MDGA1: variants seen among roughly 807,000 people sequenced by gnomAD.
MDGA1 encodes MAM domain containing glycosylphosphatidylinositol anchor 1.
In MDGA1, 54 loss-of-function variants were observed where a neutral mutation model predicts 101.5. The ratio of observed to expected loss-of-function variants is 0.53; its 90% CI spans 0.43 to 0.67. The LOEUF (loss-of-function observed/expected upper bound fraction) is 0.67, where lower values mean the gene tolerates loss of function less well. Among genes scored for constraint, MDGA1 ranks in the 30% least tolerant of loss-of-function variants. The pLI, the probability that MDGA1 is intolerant of heterozygous loss-of-function variation, is 0.00. For missense variants in MDGA1, 1,083 were observed against 1,323.8 expected (o/e 0.82, Z 2.82); for synonymous variants, 533 against 558.3 (o/e 0.95, Z 0.64).
At chr6:37,676,337 G>A (rs935215120) in intron 1 of MDGA1, among the ~76,000 whole-genome samples, 4 of 152,350 alleles carry the variant, frequency 2.6e-5, no homozygotes, top group Middle Eastern at 3.4e-3. Flanking sequence ...AAAGCAAGGA[G>A]CCCCCAAAGC....
At chr6:37,678,264 T>G (rs1324707829) in intron 1 of MDGA1, among the ~76,000 whole-genome samples, 1 of 151,992 alleles carries the variant, frequency 6.6e-6, no homozygotes, top group African/African-American at 2.4e-5. Flanking sequence ...ACTTTTCTCC[T>G]CCTCCCACAC....
chr6:37,675,164 T>G (rs16890079), intron 1 of MDGA1, among the ~76,000 whole-genome samples: 5,058 of 152,272 alleles, frequency 0.033, 268 homozygotes, highest in African/African-American at 0.11. Context: ...TCAGAGGCTT[T>G]AAATGCAAAT....
rs766338798 is a variant in MDGA1 at position 37,643,778 on chromosome 6, T to C, written c.2536+31A>G. 29 of 1,612,820 alleles carry C rather than the reference T, an allele frequency of 1.8e-5. 1 individual carries two copies. The South Asian group carries it at 3.2e-4, about 18-fold the overall frequency. ...TCCCCTCCCATCCTCCAGCACACAC[T>C]TGGTGGAGACTACCTGGCCCCCCAA... On this transcript the variant is annotated intron_variant, in intron 14 of 16. Coordinates refer to ENST00000434837, the MANE Select transcript of MDGA1 (RefSeq NM_153487.4).
rs972066214 is a variant in MDGA1 at position 37,638,913 on chromosome 6, C to A, written c.2537-246G>T. On this transcript the variant is annotated intron_variant, in intron 14 of 16. Transcript: ENST00000434837. This position sits in a 1 kb window ranked among gnomAD's most constrained non-coding sequence, Gnocchi z 4.8. ...TTGCAAATTTTCTTTCATTTCTTTC[C>A]TGCCCTGCTAATCAGCTAATCTCCC... 2.6e-5 allele frequency: 12 copies of A among 464,536 alleles called. No homozygotes were observed. The Admixed American group carries it at 2.7e-4, about 11-fold the overall frequency. The allele number at this position is 464,536 out of a possible 1,614,324, so 28.8% of individuals were successfully genotyped here.
chr6:37,667,536 A>G (rs138295000), intron 1 of MDGA1, among the ~76,000 whole-genome samples: 1 of 152,376 alleles, frequency 6.6e-6, no homozygotes, highest in Non-Finnish European at 1.5e-5. Context: ...ATAAAAATGC[A>G]TGAACATCTT....
In MDGA1 at chr6:37,635,902, C is replaced by G; in HGVS notation, c.*1466G>C. ...GAAGGTGGACACACACGCTGACGTA[C>G]ACGGACATTCATAGAAACGAATGGG... On this transcript the variant is annotated 3_prime_UTR_variant, in exon 17 of 17. Transcript: ENST00000434837. The G allele has an allele frequency of 2.5e-6, 1 of 397,552 alleles. No individual in the cohort carries two copies. Among genetic ancestry groups the G allele is most frequent in the Non-Finnish European group, 4.4e-6 (1 of 225,670 alleles). The allele number at this position is 397,552 out of a possible 1,614,324, so 24.6% of individuals were successfully genotyped here.
intron 14 of MDGA1, among the ~76,000 whole-genome samples, chr6:37,642,930 G>A (rs1246201675): frequency 2.0e-5 from 3 of 152,220 alleles, no homozygotes; most frequent in Non-Finnish European, 2.9e-5. Flanking sequence ...GTTATGTGAC[G>A]CTCCTACCAG....
chr6:37,664,964 G>A (rs2114055386), intron 1 of MDGA1, among the ~76,000 whole-genome samples: 1 of 76,876 alleles, frequency 1.3e-5, no homozygotes, highest in South Asian at 4.8e-4. Flanking sequence ...CTCTGAGCCT[G>A]TGTCCAGCTT....
intron 2 of MDGA1, among the ~76,000 whole-genome samples, chr6:37,659,276 C>T (rs1761568888): frequency 6.6e-6 from 1 of 152,148 alleles, no homozygotes; most frequent in Non-Finnish European, 1.5e-5. Flanking sequence ...TTTGAAGCCC[C>T]TAAGTTTTGG....
intron 1 of MDGA1, among the ~76,000 whole-genome samples, chr6:37,666,559 T>G (rs6458008): frequency 6.6e-6 from 1 of 151,930 alleles, no homozygotes; most frequent in East Asian, 1.9e-4. Context: ...CATCACTCCA[T>G]TAGTGCAATA....
chr6:37,655,061 A>C lies in MDGA1; in HGVS notation c.580-129T>G. 8.6e-7 allele frequency: 1 copy of C among 1,167,194 alleles called. No homozygotes were observed. The highest frequency in any genetic ancestry group is 1.2e-6 in the Non-Finnish European group (1 of 840,320). The allele number at this position is 1,167,194 out of a possible 1,614,324, so 72.3% of individuals were successfully genotyped here. A position where few individuals can be genotyped will look rare whatever the true frequency, so the allele number is the denominator to read the frequency against. ...TTCCTCTCTTTCCATCCCCAACCCCACCCTCACCATTTAGCCCCAGGGGTC... is the reference window on the plus strand; with the variant it reads ...TTCCTCTCTTTCCATCCCCAACCCCCCCCTCACCATTTAGCCCCAGGGGTC... On this transcript the variant is annotated intron_variant, in intron 4 of 16. Coordinates refer to ENST00000434837, the MANE Select transcript of MDGA1 (RefSeq NM_153487.4). The surrounding 1 kb of genome is among the most constrained non-coding windows in gnomAD (Gnocchi z 5.1).
At chr6:37,685,924 G>A (rs935581657) in intron 1 of MDGA1, among the ~76,000 whole-genome samples, 2 of 152,200 alleles carry the variant, frequency 1.3e-5, no homozygotes, top group Non-Finnish European at 2.9e-5. Context: ...TGGGGTGAGT[G>A]AGGAGGAGAG....
chr6:37,651,718 C>G (rs1024978322), intron 7 of MDGA1, among the ~76,000 whole-genome samples: 1 of 152,188 alleles, frequency 6.6e-6, no homozygotes, highest in African/African-American at 2.4e-5. Context: ...TCTTTCCAGG[C>G]TCTCATGTAT....
rs551805615 is a variant in MDGA1 at position 37,676,954 on chromosome 6, G to C, written c.68-12848C>G. The stretch of plus-strand genomic sequence containing the variant: ...ACCAAACCTGCAAGAACTAGTTAGA[G>C]GCTCCACTCCAGCACTTAACTTGCC... On this transcript the variant is annotated intron_variant, in intron 1 of 16. Coordinates refer to ENST00000434837, the MANE Select transcript of MDGA1 (RefSeq NM_153487.4). Among the ~76,000 whole-genome samples the C allele has an allele frequency of 1.9e-4, 29 of 150,702 alleles. No individual in the cohort carries two copies. The South Asian group carries it at 5.5e-3, about 28-fold the overall frequency.
chr6:37,638,253 T>C lies in MDGA1; in HGVS notation c.2728A>G (p.Thr910Ala), dbSNP rs1167156250. 1 of 1,613,662 alleles carries C rather than the reference T, an allele frequency of 6.2e-7. No individual in the cohort carries two copies. Among genetic ancestry groups the C allele is most frequent in the Non-Finnish European group, 8.5e-7 (1 of 1,179,828 alleles). The change falls in exon 16 of 17, where the codon ACA becomes GCA. Residue 910 changes from threonine (T) to alanine (A), a missense_variant. Around this residue, in one of 3 missense-constraint regions of MDGA1, gnomAD observed 657 missense variants for 771.4 expected, o/e 0.85. Transcript: ENST00000434837. The surrounding 1 kb of genome is among the most constrained non-coding windows in gnomAD (Gnocchi z 4.8). ...YLGDIAIDDV[T>A]LKKGECPRKQ... ...CGGGGACACTCCCCCTTCTTCAGTG[T>C]GACGTCATCTATGGCAATATCCCCC... is the stretch of plus-strand genomic sequence containing the variant.
intron 14 of MDGA1, among the ~76,000 whole-genome samples, chr6:37,641,578 AAACT>A (rs1251281852): frequency 6.6e-6 from 1 of 152,206 alleles, no homozygotes; most frequent in Non-Finnish European, 1.5e-5. Flanking sequence ...ATCTTTCTTT[AAACT>A]AACTCACTCT....
chr6:37,686,360 T>TG (rs968485752), intron 1 of MDGA1, among the ~76,000 whole-genome samples: 3 of 151,802 alleles, frequency 2.0e-5, no homozygotes, highest in African/African-American at 7.3e-5. Context: ...TAGGGACTTT[T>TG]TTTTTTAATG....
chr6:37,696,875 C>T lies in MDGA1; in HGVS notation c.-64G>A, dbSNP rs964115090. 3 of 1,424,860 alleles carry T rather than the reference C, an allele frequency of 2.1e-6. No homozygotes were observed. The highest frequency in any genetic ancestry group is 5.0e-5 in the East Asian group (2 of 40,278). 88.3% of individuals were successfully genotyped at this position (1,424,860 alleles called of 1,614,324 possible). ...CCCGAGAGGCGGCGGGGGGCGCATT[C>T]GCCGGGGCCCCGCGACGCCCCTATG... On this transcript the variant is annotated 5_prime_UTR_variant, in exon 1 of 17. Transcript: ENST00000434837. This position sits in a 1 kb window ranked among gnomAD's most constrained non-coding sequence, Gnocchi z 5.6.
chr6:37,666,560 T>C (rs965950485), intron 1 of MDGA1, among the ~76,000 whole-genome samples: 3 of 152,084 alleles, frequency 2.0e-5, no homozygotes, highest in African/African-American at 7.2e-5. Context: ...ATCACTCCAT[T>C]AGTGCAATAA....
Sources: gnomAD v4.1 joint callset for allele counts (sites outside exome capture counted in the v4.1 genomes callset) on GRCh38, gnomAD v4.1.1 for gene constraint, gnomAD v4.1.1 regional missense constraint, Gnocchi (gnomAD v3.1) non-coding constraint, MANE v1.5 for transcripts, NCBI Gene and HGNC (gene_info 2026-07-23, HGNC 2026-07-21) for gene names.